Variants in GYG1 observed in about 807,000 individuals in gnomAD.
GYG1 encodes glycogenin-1.
Under a neutral mutation model 41.9 loss-of-function variants are expected in GYG1, and 44 were observed. That is an observed-to-expected ratio of 1.05 (90% CI 0.83 to 1.35). The LOEUF is 1.35. GYG1 is among the 40% of genes most tolerant of loss of function. GYG1 has a pLI of 0.00. For synonymous variants in GYG1, 141 were observed against 158.1 expected, an observed-to-expected ratio of 0.89 and a Z score of 0.81; for missense variants, 429 against 418.9, an observed-to-expected ratio of 1.02 and a Z score of -0.21.
At chr3:149,011,351 T>C (rs1713710015) in intron 5 of GYG1, among the ~76,000 whole-genome samples, 1 of 152,234 alleles carries the variant, frequency 6.6e-6, no homozygotes, top group African/African-American at 2.4e-5. Context: ...CGAATTTGTC[T>C]ATAATAGGAC....
chr3:149,014,882 AAAG>A (rs1174790201), intron 5 of GYG1, among the ~76,000 whole-genome samples: 1 of 151,720 alleles, frequency 6.6e-6, no homozygotes, highest in African/African-American at 2.4e-5. Flanking sequence ...AAAAAAAAAA[AAAG>A]GCATAACTTC....
intron 4 of GYG1, chr3:149,004,025 GA>G (rs1713256123): frequency 6.6e-6 from 1 of 152,230 alleles, no homozygotes; most frequent in Non-Finnish European, 1.5e-5. Context: ...AGAAGACCTA[GA>G]AAGTACCAAG....
In GYG1 at chr3:149,016,999, G is replaced by A. The variant is rs867981253; in HGVS notation, c.609-7054G>A. ...TCGCACAAGCAGTGCCGTCTTTCTC[G>A]GTATCTGACTGAACAATGCACGTAA... On this transcript the variant is annotated intron_variant, in intron 5 of 7. Transcript: ENST00000345003. Among the ~76,000 whole-genome samples, 12 of 152,140 alleles carry A rather than the reference G, an allele frequency of 7.9e-5. No homozygotes were observed. In the South Asian group the frequency reaches 1.7e-3, roughly 21 times the overall value.
In GYG1 at chr3:149,027,045, A is replaced by G; in HGVS notation, c.*112A>G. On this transcript the variant is annotated 3_prime_UTR_variant, in exon 8 of 8. Coordinates refer to ENST00000345003, the MANE Select transcript of GYG1 (RefSeq NM_004130.4). ...TTACAGTTGCTAGAGGTTTTCATTA[A>G]AACTTATCAGATGAGAGGCTTTTTT... 8.5e-7 allele frequency: 1 copy of G among 1,180,376 alleles called. No individual in the cohort carries two copies. Among genetic ancestry groups the G allele is most frequent in the South Asian group, 1.3e-5 (1 of 77,814 alleles). 73.1% of individuals were successfully genotyped at this position (1,180,376 alleles called of 1,614,324 possible). A position where few individuals can be genotyped will look rare whatever the true frequency, so the allele number is the denominator to read the frequency against.
chr3:148,995,121 A>T (rs888232536), intron 2 of GYG1, among the ~76,000 whole-genome samples: 3 of 152,190 alleles, frequency 2.0e-5, no homozygotes, highest in African/African-American at 7.2e-5. Context: ...GAGGCAGGAG[A>T]ATCGCTTGAA....
intron 4 of GYG1, among the ~76,000 whole-genome samples, chr3:149,005,954 GTGTGTA>G (rs1346923506): frequency 6.6e-6 from 1 of 151,948 alleles, no homozygotes; most frequent in African/African-American, 2.4e-5. Context: ...TCCCTTTTCT[GTGTGTA>G]TGTGTATATG....
At chr3:149,017,759 A>G (rs1483368871) in intron 5 of GYG1, among the ~76,000 whole-genome samples, 1 of 147,692 alleles carries the variant, frequency 6.8e-6, no homozygotes, top group Non-Finnish European at 1.5e-5. Flanking sequence ...ACACACCGCC[A>G]TGCCCAGCTA....
intron 7 of GYG1, 52 bp from the exon 8 acceptor site, chr3:149,026,707 TA>T: frequency 7.4e-7 from 1 of 1,348,752 alleles, no homozygotes; most frequent in Non-Finnish European, 1.1e-6. Context: ...TTGCATTCTT[TA>T]AAACAGTTTG....
chr3:148,997,294 C>T (rs1323838859), intron 4 of GYG1, among the ~76,000 whole-genome samples: 3 of 152,092 alleles, frequency 2.0e-5, no homozygotes, highest in Non-Finnish European at 4.4e-5. Context: ...CCAGGAGGAT[C>T]AAGCATTGTC....
rs1168059538 is a variant in GYG1 at position 148,996,449 on chromosome 3, A to T, written c.291A>T (p.Lys97Asn). ...GCTGGTCGCTTACACAGTATTCAAA[A>T]TGTGTATTCATGGATGCAGATACTC... The part of the protein sequence containing the change: ...LHCWSLTQYS[K>N]CVFMDADTLV... The change falls in exon 3 of 8, where the codon AAA (lysine) becomes AAT (asparagine). Residue 97 changes from lysine to asparagine, a missense_variant. Coordinates refer to ENST00000345003, the MANE Select transcript of GYG1 (RefSeq NM_004130.4). 6.2e-7 allele frequency: 1 copy of T among 1,613,646 alleles called. No individual in the cohort carries two copies. Among genetic ancestry groups the T allele is most frequent in the Non-Finnish European group, 8.5e-7 (1 of 1,179,694 alleles).
At position 148,994,920 on chromosome 3, in the gene GYG1, C is replaced by T. The variant is rs143288660; in HGVS notation, c.143+643C>T. Among the ~76,000 whole-genome samples the T allele has an allele frequency of 1.0e-2, 1,523 of 152,306 alleles. 26 individuals are homozygous for T. The highest frequency in any genetic ancestry group is 0.035 in the African/African-American group (1,439 of 41,554). On this transcript the variant is annotated intron_variant, in intron 2 of 7. Transcript: ENST00000345003. Reference sequence around the variant, plus strand: ...TTTGGGCCAGGTGTGATGGCTCATGCCTGTAATCTCAGCACTGTGGGAGGC... The same window carrying T: ...TTTGGGCCAGGTGTGATGGCTCATGTCTGTAATCTCAGCACTGTGGGAGGC...
chr3:149,013,799 C>G (rs1713870254), intron 5 of GYG1, among the ~76,000 whole-genome samples: 1 of 152,192 alleles, frequency 6.6e-6, no homozygotes, highest in Non-Finnish European at 1.5e-5. Context: ...TGAGACACCT[C>G]CTTGGCTCCA....
chr3:149,020,663 TAGAAA>T (rs977464403), intron 5 of GYG1, among the ~76,000 whole-genome samples: 11 of 152,226 alleles, frequency 7.2e-5, no homozygotes, highest in African/African-American at 1.7e-4. Context: ...GAGAGCAGGT[TAGAAA>T]AGAATAGTTT....
chr3:149,013,963 T>C (rs1419445234), intron 5 of GYG1, among the ~76,000 whole-genome samples: 1 of 152,230 alleles, frequency 6.6e-6, no homozygotes, highest in African/African-American at 2.4e-5. Context: ...GTTCATTCAG[T>C]TGGCAAACCT....
rs1714967830 is a variant in GYG1, at chr3:149,030,958, GGTATTCTTAAATCT to G, written c.*4030_*4043del. ...TGACTTCCAACACTCTTAAGTCTCA[GGTATTCTTAAATCT>G]GTATCATCAAACATGAAGCTTCTCT... On this transcript the variant is annotated 3_prime_UTR_variant, in exon 8 of 8. Coordinates refer to ENST00000345003, the MANE Select transcript of GYG1 (RefSeq NM_004130.4). 6.6e-6 allele frequency: 1 copy of G among 152,056 alleles called. No individual in the cohort carries two copies. Among genetic ancestry groups the G allele is most frequent in the African/African-American group, 2.4e-5 (1 of 41,400 alleles). 9.4% of individuals were successfully genotyped at this position (152,056 alleles called of 1,614,324 possible). A position where few individuals can be genotyped will look rare whatever the true frequency, so the allele number is the denominator to read the frequency against.
At chr3:149,020,286 C>T (rs890442505) in intron 5 of GYG1, among the ~76,000 whole-genome samples, 1 of 152,218 alleles carries the variant, frequency 6.6e-6, no homozygotes, top group Non-Finnish European at 1.5e-5. Flanking sequence ...GATTCTTAGG[C>T]ATACCTTTTT....
intron 2 of GYG1, among the ~76,000 whole-genome samples, chr3:148,995,437 C>T (rs1007278909): frequency 2.6e-5 from 4 of 152,092 alleles, no homozygotes; most frequent in African/African-American, 9.7e-5. Context: ...TGTATACATA[C>T]GTATATCTTT....
rs1182687588 is a variant in GYG1 at position 149,027,808 on chromosome 3, A to G, written c.*875A>G. The G allele has an allele frequency of 1.3e-5, 2 of 152,180 alleles. No homozygotes were observed. The highest frequency in any genetic ancestry group is 2.4e-5 in the African/African-American group (1 of 41,420). The allele number at this position is 152,180 out of a possible 1,614,324, so 9.4% of individuals were successfully genotyped here. A position where few individuals can be genotyped will look rare whatever the true frequency, so the allele number is the denominator to read the frequency against. On this transcript the variant is annotated 3_prime_UTR_variant, in exon 8 of 8. Coordinates refer to ENST00000345003, the MANE Select transcript of GYG1 (RefSeq NM_004130.4). ...ATTTCAATCTAATTGTTTTTCTGTG[A>G]TGGTGATGGATCTGACAGATCAGAA... is the stretch of plus-strand genomic sequence containing the variant.
At position 149,027,017 on chromosome 3, in the gene GYG1, C is replaced by A. The variant is rs1239013350; in HGVS notation, c.*84C>A. ...TATCTAGAGCTGGGTTGAGAAAAGT[C>A]TGTTACAGTTGCTAGAGGTTTTCAT... On this transcript the variant is annotated 3_prime_UTR_variant, in exon 8 of 8. Coordinates refer to ENST00000345003, the MANE Select transcript of GYG1 (RefSeq NM_004130.4). 8 of 1,403,252 alleles carry A rather than the reference C, an allele frequency of 5.7e-6. No homozygotes were observed. The East Asian group carries it at 1.6e-4, about 28-fold the overall frequency. 86.9% of individuals were successfully genotyped at this position (1,403,252 alleles called of 1,614,324 possible).
Sources: gnomAD v4.1 joint callset for allele counts (sites outside exome capture counted in the v4.1 genomes callset) on GRCh38, gnomAD v4.1.1 for gene constraint, MANE v1.5 for transcripts, NCBI Gene and HGNC (gene_info 2026-07-23, HGNC 2026-07-21) for gene names.